Variants in NRXN3 observed in about 807,000 individuals in gnomAD.
NRXN3 encodes the protein neurexin III.
In NRXN3, 32 loss-of-function variants were observed where a neutral mutation model predicts 137.6. The observed-to-expected ratio is 0.23, with a 90% confidence interval of 0.18 to 0.31. NRXN3 has a LOEUF of 0.31. Ranked by LOEUF, NRXN3 falls within the 10% of genes least tolerant of loss-of-function variation. The pLI, the probability that NRXN3 is intolerant of heterozygous loss-of-function variation, is 1.00. For missense variants in NRXN3, 1,574 were observed against 2,062.5 expected (o/e 0.76, Z 4.59); for synonymous variants, 798 against 784.5 (o/e 1.02, Z -0.29).
chr14:78,482,872 G>A (rs1302720285), intron 4 of NRXN3, among the ~76,000 whole-genome samples: 1 of 152,026 alleles, frequency 6.6e-6, no homozygotes, highest in African/African-American at 2.4e-5. Flanking sequence ...GCTTTGCATT[G>A]GTTACTAGTC....
At chr14:78,721,275 G>C (rs953836213) in intron 8 of NRXN3, among the ~76,000 whole-genome samples, 3 of 152,156 alleles carry the variant, frequency 2.0e-5, no homozygotes, top group African/African-American at 7.2e-5. Context: ...GTGCTATTGA[G>C]GAGGGGAATC....
intron 10 of NRXN3, among the ~76,000 whole-genome samples, chr14:78,914,136 C>T (rs1480385795): frequency 6.6e-6 from 1 of 152,154 alleles, no homozygotes; most frequent in Non-Finnish European, 1.5e-5. Context: ...ACTCTACTTA[C>T]TACCAGGTCT....
chr14:78,298,171 G>A (rs555773166), intron 4 of NRXN3, among the ~76,000 whole-genome samples: 19 of 152,342 alleles, frequency 1.2e-4, no homozygotes, highest in South Asian at 4.1e-4. Flanking sequence ...CGATAATGGG[G>A]GTGAATGAAG....
chr14:79,176,253 T>G (rs1469790614), intron 15 of NRXN3, among the ~76,000 whole-genome samples: 1 of 152,210 alleles, frequency 6.6e-6, no homozygotes, highest in Non-Finnish European at 1.5e-5. Context: ...GCAAATCTGA[T>G]AATATTTTTT....
intron 19 of NRXN3, among the ~76,000 whole-genome samples, chr14:79,765,281 T>G (rs2139561063): frequency 6.6e-6 from 1 of 152,328 alleles, no homozygotes; most frequent in East Asian, 1.9e-4. Flanking sequence ...GACCAATGGG[T>G]GAGTATAATA....
intron 19 of NRXN3, among the ~76,000 whole-genome samples, chr14:79,780,739 A>T (rs972161407): frequency 4.6e-5 from 7 of 152,228 alleles, no homozygotes; most frequent in Admixed American, 3.9e-4. Context: ...TTTTGTTAAG[A>T]TGTTGCTGAT....
intron 4 of NRXN3, among the ~76,000 whole-genome samples, chr14:78,570,508 C>T (rs919593478): frequency 6.6e-6 from 1 of 152,182 alleles, no homozygotes; most frequent in Non-Finnish European, 1.5e-5. Flanking sequence ...ATGGGAAATA[C>T]AGGAACTTCT....
intron 15 of NRXN3, among the ~76,000 whole-genome samples, chr14:79,003,825 G>A (rs1034914798): frequency 4.6e-5 from 7 of 152,052 alleles, no homozygotes; most frequent in African/African-American, 1.7e-4. Context: ...GAACATTAGG[G>A]GATTCGACCA....
intron 15 of NRXN3, among the ~76,000 whole-genome samples, chr14:79,230,925 A>G (rs551829661): frequency 1.5e-4 from 23 of 152,274 alleles, no homozygotes; most frequent in Admixed American, 1.2e-3. Context: ...TTTTCTTAGC[A>G]TACAAGAGTT....
At chr14:79,573,373 G>A (rs574827037) in intron 16 of NRXN3, among the ~76,000 whole-genome samples, 9 of 152,132 alleles carry the variant, frequency 5.9e-5, no homozygotes, top group Non-Finnish European at 1.0e-4. Flanking sequence ...GGGAGAGTAC[G>A]CAGCTCTTCT....
At chr14:78,237,433 T>C (rs2153447890) in intron 1 of NRXN3, among the ~76,000 whole-genome samples, 1 of 152,324 alleles carries the variant, frequency 6.6e-6, no homozygotes, top group Non-Finnish European at 1.5e-5. Flanking sequence ...TCTGATTTCT[T>C]CCTTGTTGTT....
chr14:78,295,805 T>C (rs1050032842), intron 3 of NRXN3, among the ~76,000 whole-genome samples: 35 of 152,144 alleles, frequency 2.3e-4, no homozygotes, highest in African/African-American at 7.2e-4. Flanking sequence ...AGCGCAATGA[T>C]AGAGGTTTTT....
At chr14:79,605,302 T>A (rs1454683689) in intron 16 of NRXN3, among the ~76,000 whole-genome samples, 1 of 152,164 alleles carries the variant, frequency 6.6e-6, no homozygotes, top group Non-Finnish European at 1.5e-5. Context: ...CTATGTCAGG[T>A]TGAGTTCTAT....
At position 79,851,920 on chromosome 14, in the gene NRXN3, A is replaced by G. The variant is rs190058316; in HGVS notation, c.4094-9422A>G. ...TTTATTCCTTTCATGATTGTCCTGT[A>G]GTTTACAGACACTGATATTGTACTC... is the stretch of plus-strand genomic sequence containing the variant. On this transcript the variant is annotated intron_variant, in intron 20 of 20. Transcript: ENST00000335750. Among the ~76,000 whole-genome samples, 887 of 152,126 alleles carry G rather than the reference A, an allele frequency of 5.8e-3. 8 individuals carry two copies. Among genetic ancestry groups the G allele is most frequent in the Non-Finnish European group, 8.8e-3 (597 of 67,990 alleles).
At chr14:79,734,831 G>C (rs1274234314) in intron 19 of NRXN3, among the ~76,000 whole-genome samples, 4 of 152,112 alleles carry the variant, frequency 2.6e-5, no homozygotes, top group Non-Finnish European at 4.4e-5. Flanking sequence ...TCAATTATAA[G>C]TACAAGGCAT....
intron 15 of NRXN3, among the ~76,000 whole-genome samples, chr14:79,317,793 T>G (rs1362084049): frequency 2.0e-5 from 3 of 152,234 alleles, no homozygotes; most frequent in African/African-American, 4.8e-5. Flanking sequence ...ATTTTTGTTA[T>G]AGTCTGTTTC....
At chr14:79,614,724 G>T (rs2153882949) in intron 16 of NRXN3, among the ~76,000 whole-genome samples, 2 of 119,288 alleles carry the variant, frequency 1.7e-5, no homozygotes, top group Non-Finnish European at 3.1e-5. Flanking sequence ...AATACTCACA[G>T]CAAGTAGACT....
intron 10 of NRXN3, among the ~76,000 whole-genome samples, chr14:78,899,055 G>A (rs905329755): frequency 6.6e-6 from 1 of 151,942 alleles, no homozygotes; most frequent in South Asian, 2.1e-4. Context: ...TCAGCTCTGA[G>A]CCAGAGAAAA....
chr14:79,142,176 T>A (rs185543193), intron 15 of NRXN3, among the ~76,000 whole-genome samples: 1 of 152,100 alleles, frequency 6.6e-6, no homozygotes, highest in Admixed American at 6.6e-5. Context: ...CGCTTGTAAT[T>A]CCAACACTTT....
Sources: gnomAD v4.1 joint callset for allele counts (sites outside exome capture counted in the v4.1 genomes callset) on GRCh38, gnomAD v4.1.1 for gene constraint, MANE v1.5 for transcripts, NCBI Gene and HGNC (gene_info 2026-07-23, HGNC 2026-07-21) for gene names.